Variants in GPBP1 observed in about 807,000 individuals in gnomAD.
GPBP1 encodes the protein vasculin.
A neutral mutation model predicts 56.5 loss-of-function variants in GPBP1; 13 were observed. The observed-to-expected ratio is 0.23, with a 90% CI of 0.15 to 0.37. The LOEUF is 0.37. GPBP1 is among the 10% of genes least tolerant of loss of function. The pLI, the probability that GPBP1 is intolerant of heterozygous loss-of-function variation, is 1.00. For missense variants in GPBP1, 477 were observed against 572.3 expected, an observed-to-expected ratio of 0.83 and a Z score of 1.70; for synonymous variants, 204 against 188.9, an observed-to-expected ratio of 1.08 and a Z score of -0.66.
rs70999067 is a variant in GPBP1, at chr5:57,226,729, CT to C, written c.64-4089del. ...ACCAAGCCTGGCTAATTTTTGTATT[CT>C]TTTTTTTTTTTTTTTTTTTTTTTTT... On this transcript the variant is annotated intron_variant, in intron 3 of 11. Coordinates refer to ENST00000506184, the MANE Select transcript of GPBP1 (RefSeq NM_022913.4). Among the ~76,000 whole-genome samples, 648 of 76,986 alleles carry C rather than the reference CT, an allele frequency of 8.4e-3. 1 individual carries two copies. Among genetic ancestry groups the C allele is most frequent in the Non-Finnish European group, 0.011 (457 of 40,694 alleles). The allele number at this position is 76,986 out of a possible 152,430, so 50.5% of individuals were successfully genotyped here. A position where few individuals can be genotyped will look rare whatever the true frequency, so the allele number is the denominator to read the frequency against.
At chr5:57,231,812 G>T (rs1756473204) in intron 5 of GPBP1, among the ~76,000 whole-genome samples, 1 of 152,150 alleles carries the variant, frequency 6.6e-6, no homozygotes. Context: ...GATTGAGATA[G>T]GCAAAGCCCT....
chr5:57,225,597 G>A, intron 3 of GPBP1, among the ~76,000 whole-genome samples: 1 of 151,478 alleles, frequency 6.6e-6, no homozygotes. Flanking sequence ...AAGATTGCTA[G>A]ACACAAGACT....
chr5:57,240,934 A>G (rs1740796687), intron 6 of GPBP1, among the ~76,000 whole-genome samples: 1 of 151,954 alleles, frequency 6.6e-6, no homozygotes, highest in Non-Finnish European at 1.5e-5. Context: ...CCTGGGCAAC[A>G]AGAGCGAAAC....
intron 11 of GPBP1, 67 bp downstream of exon 11, chr5:57,261,349 G>A: frequency 1.1e-6 from 1 of 874,846 alleles, no homozygotes; most frequent in Admixed American, 1.9e-5. Context: ...ATAATTATAT[G>A]TAAGCATGGA....
At chr5:57,241,997 C>T (rs918621526) in intron 6 of GPBP1, among the ~76,000 whole-genome samples, 39 of 152,124 alleles carry the variant, frequency 2.6e-4, no homozygotes, top group Non-Finnish European at 5.0e-4. Context: ...TTAATTCTTG[C>T]CTTTTAGTCC....
intron 2 of GPBP1, among the ~76,000 whole-genome samples, chr5:57,193,098 C>G (rs933648820): frequency 5.9e-5 from 9 of 152,096 alleles, no homozygotes; most frequent in African/African-American, 1.4e-4. Flanking sequence ...GAGTGGATCA[C>G]CTAAGGTCAG....
chr5:57,249,609 A>G (rs759395256), intron 9 of GPBP1, 33 bp downstream of exon 9: 3 of 1,538,880 alleles, frequency 1.9e-6, no homozygotes, highest in African/African-American at 1.4e-5. Context: ...TTGATTTGAC[A>G]TTGATATGTC....
chr5:57,246,182 G>T, intron 6 of GPBP1, 118 bp from the exon 7 acceptor site: 1 of 594,156 alleles, frequency 1.7e-6, no homozygotes, highest in South Asian at 2.7e-5. Context: ...TTTTACCCAG[G>T]AGGCAGCTGT....
At chr5:57,184,053 GA>G (rs1754180465) in intron 2 of GPBP1, among the ~76,000 whole-genome samples, 1 of 152,070 alleles carries the variant, frequency 6.6e-6, no homozygotes, top group African/African-American at 2.4e-5. Flanking sequence ...CCAACATGGT[GA>G]AACCCTGTCT....
At chr5:57,219,658 G>A (rs1365076526) in intron 3 of GPBP1, among the ~76,000 whole-genome samples, 1 of 151,962 alleles carries the variant, frequency 6.6e-6, no homozygotes, top group African/African-American at 2.4e-5. Flanking sequence ...GGATGCATAT[G>A]GGTTTCCTGC....
chr5:57,225,113 A>C (rs184074202), intron 3 of GPBP1, among the ~76,000 whole-genome samples: 1 of 152,286 alleles, frequency 6.6e-6, no homozygotes, highest in African/African-American at 2.4e-5. Flanking sequence ...TATAGCCAGC[A>C]CAGTAAAATA....
chr5:57,208,969 G>A (rs567420405), intron 2 of GPBP1, among the ~76,000 whole-genome samples: 1 of 152,152 alleles, frequency 6.6e-6, no homozygotes, highest in East Asian at 1.9e-4. Context: ...ATGTCTTTCT[G>A]TTTAGGTCTT....
chr5:57,261,625 T>C (rs1741896968), intron 11 of GPBP1, among the ~76,000 whole-genome samples: 1 of 152,214 alleles, frequency 6.6e-6, no homozygotes, highest in Non-Finnish European at 1.5e-5. Context: ...GTGATGTCTA[T>C]GGATTAGTCA....
chr5:57,184,175 T>C lies in GPBP1; in HGVS notation c.-58+7775T>C, dbSNP rs569540657. Among the ~76,000 whole-genome samples, 69 of 152,154 alleles carry C rather than the reference T, an allele frequency of 4.5e-4. 1 individual carries two copies. The East Asian group carries it at 5.2e-3, about 12-fold the overall frequency. The stretch of plus-strand genomic sequence containing the variant: ...TGAACCTGGGAGATGGAGGTTGCAG[T>C]GAGCCGAGATCGTGCCACTGCAGTC... On this transcript the variant is annotated intron_variant, in intron 2 of 11. Coordinates refer to ENST00000506184, the MANE Select transcript of GPBP1 (RefSeq NM_022913.4).
chr5:57,201,024 A>G (rs989085143), intron 2 of GPBP1, among the ~76,000 whole-genome samples: 1 of 151,628 alleles, frequency 6.6e-6, no homozygotes, highest in South Asian at 2.1e-4. Context: ...GGGTTTCACC[A>G]TCTTGGCCAG....
intron 2 of GPBP1, among the ~76,000 whole-genome samples, chr5:57,202,433 C>T (rs550276353): frequency 5.7e-4 from 86 of 151,668 alleles, no homozygotes; most frequent in Admixed American, 7.2e-4. Flanking sequence ...GAATTATAGG[C>T]GCATGCCACC....
chr5:57,189,264 G>A (rs189200959), intron 2 of GPBP1, among the ~76,000 whole-genome samples: 2 of 152,286 alleles, frequency 1.3e-5, no homozygotes, highest in East Asian at 1.9e-4. Context: ...GATTACAGGT[G>A]CCTGCCACCG....
chr5:57,235,376 T>A lies in GPBP1; in HGVS notation c.412-590T>A, dbSNP rs1328670645. Among the ~76,000 whole-genome samples the A allele has an allele frequency of 3.3e-5, 5 of 151,998 alleles. 1 individual carries two copies. The highest frequency in any genetic ancestry group is 4.1e-4 in the South Asian group (2 of 4,830). ...GCTAAGGAGGGATTATTTCTTAGAC[T>A]GATGCAAAGACCTCCATTCTCTTGA... On this transcript the variant is annotated intron_variant, in intron 5 of 11. Coordinates refer to ENST00000506184, the MANE Select transcript of GPBP1 (RefSeq NM_022913.4).
At position 57,246,211 on chromosome 5, in the gene GPBP1, AAT is replaced by A; in HGVS notation, c.479-88_479-87del. ...CAGCTGTTAGTTAAAAAAAAAAAAA[AAT>A]TTGGAATATACTGTTCTTTTGGTGG... On this transcript the variant is annotated intron_variant, in intron 6 of 11. Coordinates refer to ENST00000506184, the MANE Select transcript of GPBP1 (RefSeq NM_022913.4). 12 of 1,008,066 alleles carry A rather than the reference AAT, an allele frequency of 1.2e-5. No homozygotes were observed. The Admixed American group carries it at 1.4e-4, about 11-fold the overall frequency. The allele number at this position is 1,008,066 out of a possible 1,614,324, so 62.4% of individuals were successfully genotyped here. A position where few individuals can be genotyped will look rare whatever the true frequency, so the allele number is the denominator to read the frequency against.
Sources: gnomAD v4.1 joint callset for allele counts (sites outside exome capture counted in the v4.1 genomes callset) on GRCh38, gnomAD v4.1.1 for gene constraint, MANE v1.5 for transcripts, NCBI Gene and HGNC (gene_info 2026-07-23, HGNC 2026-07-21) for gene names.